The following ASAH2 variants were observed in gnomAD, a reference collection of about 807,000 sequenced individuals.
The protein encoded by ASAH2 is N-acylsphingosine amidohydrolase 2.
ASAH2 carries 58 observed loss-of-function variants against 82.9 expected under a neutral mutation model. The ratio of observed to expected loss-of-function variants is 0.70; its 90% CI spans 0.57 to 0.87. ASAH2 has a LOEUF of 0.87. Among genes scored for constraint, ASAH2 ranks in the 40% least tolerant of loss-of-function variants. ASAH2 has a pLI of 0.00. For missense variants in ASAH2, 779 were observed against 834.0 expected, an observed-to-expected ratio of 0.93 and a Z score of 0.81; for synonymous variants, 276 against 289.7, an observed-to-expected ratio of 0.95 and a Z score of 0.48.
intron 4 of ASAH2, chr10:50,240,603 A>G (rs1482981603): frequency 4.1e-5 from 29 of 702,040 alleles, no homozygotes; most frequent in Non-Finnish European, 6.8e-5. Flanking sequence ...CAATTATGAT[A>G]AACATATCTT....
chr10:50,205,384 G>T (rs1386345595), intron 13 of ASAH2, among the ~76,000 whole-genome samples: 1 of 151,740 alleles, frequency 6.6e-6, no homozygotes. Flanking sequence ...TCCTTATTCA[G>T]AATACTATAG....
intron 2 of ASAH2, among the ~76,000 whole-genome samples, chr10:50,246,405 C>A (rs4935575): frequency 0.14 from 21,108 of 152,134 alleles, 1,942 homozygotes; most frequent in East Asian, 0.34. Flanking sequence ...CCTATTTAGA[C>A]ATGTTATATA....
chr10:50,212,424 G>A (rs1845480771), intron 10 of ASAH2, among the ~76,000 whole-genome samples: 1 of 152,098 alleles, frequency 6.6e-6, no homozygotes, highest in Non-Finnish European at 1.5e-5. Context: ...ATTTGATGAA[G>A]AGAGCTTCAT....
intron 8 of ASAH2, among the ~76,000 whole-genome samples, chr10:50,217,156 C>T (rs1845623275): frequency 6.6e-6 from 1 of 151,672 alleles, no homozygotes; most frequent in African/African-American, 2.4e-5. Context: ...AGCCTGGCTT[C>T]TTCAGTTTTT....
chr10:50,198,690 A>G (rs1462291564), intron 17 of ASAH2, among the ~76,000 whole-genome samples: 4 of 152,004 alleles, frequency 2.6e-5, no homozygotes, highest in African/African-American at 9.7e-5. Context: ...CAGGTGTAGT[A>G]AGCTTCATCA....
At chr10:50,232,942 GAT>G (rs1846055703) in intron 7 of ASAH2, among the ~76,000 whole-genome samples, 1 of 152,056 alleles carries the variant, frequency 6.6e-6, no homozygotes, top group African/African-American at 2.4e-5. Flanking sequence ...TCTTCACCAA[GAT>G]CTCTCATTTA....
Position 50,185,778 on chromosome 10 carries a change from A to G in ASAH2, c.*1537T>C, listed in dbSNP as rs1269748734. The G allele has an allele frequency of 2.1e-5, 3 of 144,296 alleles. No homozygotes were observed. The highest frequency in any genetic ancestry group is 2.1e-4 in the Admixed American group (3 of 14,530). The allele number at this position is 144,296 out of a possible 1,614,324, so 8.9% of individuals were successfully genotyped here. ...CAGGTTCATTCTAATTCAATAAATT[A>G]TGTTGAGATTAAGTTATACATAATA... On this transcript the variant is annotated 3_prime_UTR_variant, in exon 21 of 21. Coordinates refer to ENST00000682911, the MANE Select transcript of ASAH2 (RefSeq NM_019893.4).
Position 50,214,788 on chromosome 10 carries a change from T to A in ASAH2, c.1095A>T (p.Thr365=). Residue 365 remains threonine, a synonymous_variant, in exon 9 of 21, where the codon ACA becomes ACT. Coordinates refer to ENST00000682911, the MANE Select transcript of ASAH2 (RefSeq NM_019893.4). The part of the protein sequence containing the change: ...PNILGPRCIN[T]GESCDNANST... ...TATTGGCGTTATCACAGGACTCTCCTGTGTTGATGCAACGTGGTCCAAGAA... is the reference window on the plus strand; with the variant it reads ...TATTGGCGTTATCACAGGACTCTCCAGTGTTGATGCAACGTGGTCCAAGAA... The A allele has an allele frequency of 6.2e-7, 1 of 1,613,800 alleles. No individual in the cohort carries two copies. Among genetic ancestry groups the A allele is most frequent in the Admixed American group, 1.7e-5 (1 of 60,014 alleles).
At position 50,202,864 on chromosome 10, in the gene ASAH2, A is replaced by G; in HGVS notation, c.1726T>C (p.Tyr576His). The G allele has an allele frequency of 6.2e-7, 1 of 1,612,020 alleles. No individual in the cohort carries two copies. The highest frequency in any genetic ancestry group is 8.5e-7 in the Non-Finnish European group (1 of 1,178,424). The change falls in exon 16 of 21, where the codon TAT becomes CAT. Residue 576 changes from tyrosine to histidine, a missense_variant. Coordinates refer to ENST00000682911, the MANE Select transcript of ASAH2 (RefSeq NM_019893.4). ...TVVISGLCNV[Y>H]THYITTYEEY... is the part of the protein sequence containing the mutation. ...TCATAAGTGGTAATGTAATGTGTAT[A>G]GACGTTGCATAGACCTGAAATAACA...
Position 50,248,605 on chromosome 10 carries a change from G to T in ASAH2, c.6C>A (p.Ala2=), listed in dbSNP as rs763187531. The change falls in exon 2 of 21, where the codon GCC becomes GCA. Residue 2 remains alanine (A), a synonymous_variant. Coordinates refer to ENST00000682911, the MANE Select transcript of ASAH2 (RefSeq NM_019893.4). ...TCTCCAAGTTAGAGAAGGTGCGTTTGGCCATTTCTTCTCAGGTACAGCAGA... is the reference window on the plus strand; with the variant it reads ...TCTCCAAGTTAGAGAAGGTGCGTTTTGCCATTTCTTCTCAGGTACAGCAGA... The part of the protein sequence containing the change: M[A]KRTFSNLETF... 1 of 1,613,336 alleles carries T rather than the reference G, an allele frequency of 6.2e-7. No individual in the cohort carries two copies. Among genetic ancestry groups the T allele is most frequent in the Non-Finnish European group, 8.5e-7 (1 of 1,179,548 alleles).
rs987682101 is a variant in ASAH2 at position 50,235,815 on chromosome 10, A to G, written c.687+73T>C. On this transcript the variant is annotated intron_variant, in intron 5 of 20. Transcript: ENST00000682911. ...CCCAAATCCTATAGGGATTCTTTAT[A>G]TCACATCCAATCACTCCTAAAATAC... The G allele has an allele frequency of 6.6e-4, 1,004 of 1,517,958 alleles. 5 individuals are homozygous for G. The highest frequency in any genetic ancestry group is 3.4e-3 in the Middle Eastern group (20 of 5,830). 94.0% of individuals were successfully genotyped at this position (1,517,958 alleles called of 1,614,324 possible). A position where few individuals can be genotyped will look rare whatever the true frequency, so the allele number is the denominator to read the frequency against.
At position 50,228,779 on chromosome 10, in the gene ASAH2, AGAG is replaced by A. The variant is rs1237417041; in HGVS notation, c.893+4402_893+4404del. Among the ~76,000 whole-genome samples the A allele has an allele frequency of 1.7e-3, 266 of 152,068 alleles. 5 individuals carry two copies. The South Asian group carries it at 0.024, about 13-fold the overall frequency. ...GAGAAGAGAAAAGAGGGGAGGAAGAAGAGGAGGAGGAGGAGAAGCGGGATGAGG... is the reference window on the plus strand; with the variant it reads ...GAGAAGAGAAAAGAGGGGAGGAAGAAGAGGAGGAGGAGAAGCGGGATGAGG... On this transcript the variant is annotated intron_variant, in intron 7 of 20. Transcript: ENST00000682911.
At chr10:50,211,370 A>C (rs1234321563) in intron 10 of ASAH2, among the ~76,000 whole-genome samples, 1 of 152,108 alleles carries the variant, frequency 6.6e-6, no homozygotes, top group Non-Finnish European at 1.5e-5. Flanking sequence ...TCCCCACAAA[A>C]GTGAAATTAT....
At chr10:50,207,690 T>A (rs1275652909) in intron 12 of ASAH2, among the ~76,000 whole-genome samples, 3 of 151,438 alleles carry the variant, frequency 2.0e-5, no homozygotes, top group African/African-American at 4.8e-5. Flanking sequence ...TTTTAACTAC[T>A]TACAACAAAT....
chr10:50,247,933 C>A (rs1394320687), intron 2 of ASAH2, among the ~76,000 whole-genome samples: 5 of 152,198 alleles, frequency 3.3e-5, no homozygotes, highest in Non-Finnish European at 7.3e-5. Flanking sequence ...CAACAAACAG[C>A]TGCCACCTGG....
intron 12 of ASAH2, among the ~76,000 whole-genome samples, chr10:50,209,183 T>C (rs1357088486): frequency 6.6e-6 from 1 of 151,962 alleles, no homozygotes; most frequent in Non-Finnish European, 1.5e-5. Flanking sequence ...ACCATAAAAA[T>C]CTTATAAGAA....
chr10:50,215,602 A>G (rs1000673440), intron 8 of ASAH2, among the ~76,000 whole-genome samples: 1 of 152,196 alleles, frequency 6.6e-6, no homozygotes, highest in East Asian at 1.9e-4. Flanking sequence ...CGAAGATCAG[A>G]TGGTTGTAGA....
chr10:50,205,942 ACAATATGCTAATTT>A (rs1446774673), intron 13 of ASAH2, 26 bp downstream of exon 13: 1 of 1,436,266 alleles, frequency 7.0e-7, no homozygotes, highest in Non-Finnish European at 9.8e-7. Flanking sequence ...TTTAAAAATA[ACAATATGCTAATTT>A]CACTATGATA....
rs772181094 is a variant in ASAH2 at position 50,245,433 on chromosome 10, G to GA, written c.148dup (p.Ser50PhefsTer61). 1.1e-5 allele frequency: 18 copies of GA among 1,610,754 alleles called. No homozygotes were observed. In the East Asian group the frequency reaches 1.3e-4, roughly 12 times the overall value. On this transcript the variant is annotated frameshift_variant, in exon 3 of 21. Coordinates refer to ENST00000682911, the MANE Select transcript of ASAH2 (RefSeq NM_019893.4). LOFTEE classifies it high-confidence loss of function. The stretch of plus-strand genomic sequence containing the variant: ...GGTGGCTGGAGGGCTTTGGGTGGTT[G>GA]AAAAAAAATGGCCTCCTAAATCTAA...
Sources: gnomAD v4.1 joint callset for allele counts (sites outside exome capture counted in the v4.1 genomes callset) on GRCh38, gnomAD v4.1.1 for gene constraint, MANE v1.5 for transcripts, NCBI Gene and HGNC (gene_info 2026-07-23, HGNC 2026-07-21) for gene names.